Variants in FRRS1 observed in about 807,000 individuals in gnomAD.
The protein encoded by FRRS1 is ferric reductase 1.
Under a neutral mutation model 70.7 loss-of-function variants are expected in FRRS1, and 51 were observed. That is an observed-to-expected ratio of 0.72 (90% CI 0.58 to 0.91). The LOEUF (loss-of-function observed/expected upper bound fraction) is 0.91, where lower values mean the gene tolerates loss of function less well. Ranked by LOEUF, FRRS1 falls within the 40% of genes least tolerant of loss-of-function variation. The pLI is 0.00. For missense variants in FRRS1, 672 were observed against 726.0 expected, an observed-to-expected ratio of 0.93 and a Z score of 0.86; for synonymous variants, 225 against 238.7, an observed-to-expected ratio of 0.94 and a Z score of 0.53.
At chr1:99,729,825 T>C in intron 7 of FRRS1, 77 bp from the exon 8 acceptor site, 1 of 877,568 alleles carries the variant, frequency 1.1e-6, no homozygotes, top group Non-Finnish European at 1.8e-6. Flanking sequence ...AAAAAGTACA[T>C]CAGGAAACCA....
In FRRS1 at chr1:99,705,104, C is replaced by A. The variant is rs946303843; in HGVS notation, c.*3924G>T. ...AAGAGCACGTGGTAACACATGCCCA[C>A]TGGGGCTTCAGCTGCAAACATTCAC... On this transcript the variant is annotated 3_prime_UTR_variant, in exon 17 of 17. Transcript: ENST00000646001. 6.6e-6 allele frequency among the ~76,000 whole-genome samples: 1 copy of A among 152,238 alleles called. No homozygotes were observed. Among genetic ancestry groups the A allele is most frequent in the African/African-American group, 2.4e-5 (1 of 41,470 alleles).
chr1:99,728,790 T>C (rs1655201513), intron 8 of FRRS1, 150 bp from the exon 9 acceptor site: 2 of 554,284 alleles, frequency 3.6e-6, no homozygotes, highest in Non-Finnish European at 6.2e-6. Flanking sequence ...CACTTCCTCT[T>C]TGAAGAGAAC....
chr1:99,728,440 A>C lies in FRRS1; in HGVS notation c.1006+53T>G. The C allele has an allele frequency of 7.8e-6, 11 of 1,415,172 alleles. No homozygotes were observed. The South Asian group carries it at 1.4e-4, about 19-fold the overall frequency. The allele number at this position is 1,415,172 out of a possible 1,614,324, so 87.7% of individuals were successfully genotyped here. ...GTTTTTCCAAAAATGGGGGAAAGAG[A>C]GGGAAGAAGAGAGAAAAAGACACTT... On this transcript the variant is annotated intron_variant, in intron 9 of 16. Coordinates refer to ENST00000646001, the MANE Select transcript of FRRS1 (RefSeq NM_001361041.2).
At chr1:99,739,194 G>T (rs1201107256) in intron 6 of FRRS1, among the ~76,000 whole-genome samples, 1 of 152,142 alleles carries the variant, frequency 6.6e-6, no homozygotes, top group Non-Finnish European at 1.5e-5. Flanking sequence ...CAAGAAAACT[G>T]TAAGAAATAG....
chr1:99,720,240 T>G (rs2100919220), intron 9 of FRRS1, among the ~76,000 whole-genome samples: 1 of 152,314 alleles, frequency 6.6e-6, no homozygotes, highest in East Asian at 1.9e-4. Context: ...CCATTTATTG[T>G]GTACAAAATT....
chr1:99,713,195 C>T (rs151204032), intron 12 of FRRS1, among the ~76,000 whole-genome samples: 69 of 152,250 alleles, frequency 4.5e-4, no homozygotes, highest in African/African-American at 1.5e-3. Context: ...TATACCACCC[C>T]CATTTTACAG....
At chr1:99,753,910 T>C (rs1656700081) in intron 1 of FRRS1, among the ~76,000 whole-genome samples, 1 of 152,136 alleles carries the variant, frequency 6.6e-6, no homozygotes, top group African/African-American at 2.4e-5. Context: ...ACTTTAAATA[T>C]AAAGACACAT....
At chr1:99,720,905 C>T (rs1448010411) in intron 9 of FRRS1, among the ~76,000 whole-genome samples, 1 of 147,822 alleles carries the variant, frequency 6.8e-6, no homozygotes, top group East Asian at 2.0e-4. Flanking sequence ...ATTCAAGGTG[C>T]ATTTAAAGTA....
intron 1 of FRRS1, among the ~76,000 whole-genome samples, chr1:99,759,344 C>G (rs1019195260): frequency 5.9e-5 from 9 of 152,196 alleles, no homozygotes; most frequent in African/African-American, 1.7e-4. Flanking sequence ...CTTTATTTCT[C>G]AGCCAGCTGA....
intron 1 of FRRS1, among the ~76,000 whole-genome samples, chr1:99,763,113 A>C (rs1408422309): frequency 6.6e-6 from 1 of 152,196 alleles, no homozygotes; most frequent in Non-Finnish European, 1.5e-5. Flanking sequence ...AAGGCACTCG[A>C]CATTTAATAT....
chr1:99,754,875 C>A (rs949139046), intron 1 of FRRS1, among the ~76,000 whole-genome samples: 4 of 152,050 alleles, frequency 2.6e-5, no homozygotes, highest in Non-Finnish European at 1.5e-5. Context: ...ACACTTTAAC[C>A]AGCCCTGCAC....
At chr1:99,747,727 C>A in intron 3 of FRRS1, 1 of 259,020 alleles carries the variant, frequency 3.9e-6, no homozygotes, top group Non-Finnish European at 7.4e-6. Flanking sequence ...CTAGATGATA[C>A]CAATTGGGTA....
chr1:99,743,731 G>A (rs546091445), intron 4 of FRRS1, among the ~76,000 whole-genome samples: 47 of 152,226 alleles, frequency 3.1e-4, no homozygotes, highest in African/African-American at 1.1e-3. Flanking sequence ...GTATTGTTTT[G>A]TAGAGACGGG....
rs1215560224 is a variant in FRRS1, at chr1:99,707,965, C to A, written c.*1063G>T. On this transcript the variant is annotated 3_prime_UTR_variant, in exon 17 of 17. Coordinates refer to ENST00000646001, the MANE Select transcript of FRRS1 (RefSeq NM_001361041.2). ...TTTTGAAATCCAAGTGTATAATCCC[C>A]AAATGCTGTAAGGACTTAAATTTTA... Among the ~76,000 whole-genome samples, 1 of 152,172 alleles carries A rather than the reference C, an allele frequency of 6.6e-6. No homozygotes were observed. The highest frequency in any genetic ancestry group is 2.4e-5 in the African/African-American group (1 of 41,434).
At chr1:99,739,177 T>TG (rs1655828938) in intron 6 of FRRS1, among the ~76,000 whole-genome samples, 3 of 152,200 alleles carry the variant, frequency 2.0e-5, no homozygotes, top group Admixed American at 6.5e-5. Context: ...AACCTTCAAC[T>TG]ACACAACAAG....
intron 11 of FRRS1, among the ~76,000 whole-genome samples, chr1:99,716,719 C>T (rs1341943029): frequency 1.3e-5 from 2 of 152,184 alleles, no homozygotes; most frequent in East Asian, 1.9e-4. Context: ...CAGGCATGTA[C>T]ATTCTAAGTC....
Position 99,710,832 on chromosome 1 carries a change from A to G in FRRS1, c.1598T>C (p.Val533Ala). Residue 533 changes from valine to alanine, a missense_variant, in exon 15 of 17, where the codon GTA (valine) becomes GCA (alanine). Transcript: ENST00000646001. ...TTTGCGAGAGAGCCGATAAGCATGT[A>G]CCTCCAGAACAACCTCAGTCCCAAC... ...WHVGTEVVLE[V>A]HAYRLSRKVE... The G allele has an allele frequency of 1.2e-6, 2 of 1,613,984 alleles. No individual in the cohort carries two copies. The highest frequency in any genetic ancestry group is 1.7e-6 in the Non-Finnish European group (2 of 1,179,934).
intron 1 of FRRS1, among the ~76,000 whole-genome samples, chr1:99,755,327 G>T (rs367824907): frequency 4.6e-5 from 7 of 151,996 alleles, no homozygotes; most frequent in South Asian, 2.1e-4. Context: ...AAGAGGCCGA[G>T]GTGGAAGATG....
At chr1:99,738,776 A>C (rs1655806341) in intron 6 of FRRS1, among the ~76,000 whole-genome samples, 1 of 152,220 alleles carries the variant, frequency 6.6e-6, no homozygotes, top group East Asian at 1.9e-4. Flanking sequence ...ATTCTGATTC[A>C]AATTTCGTAC....
Sources: allele counts gnomAD v4.1 joint callset (sites outside exome capture counted in the v4.1 genomes callset), GRCh38; gene constraint gnomAD v4.1.1; transcripts MANE v1.5; gene names NCBI Gene and HGNC (gene_info 2026-07-23, HGNC 2026-07-21).